Variants in EWSR1 observed in about 807,000 individuals in gnomAD.
The protein encoded by EWSR1 is RNA-binding protein EWS.
In EWSR1, 14 loss-of-function variants were observed where a neutral mutation model predicts 92.1. The ratio of observed to expected loss-of-function variants is 0.15; its 90% CI spans 0.10 to 0.24. The LOEUF is 0.24. Among genes scored for constraint, EWSR1 ranks in the 10% least tolerant of loss-of-function variants. The pLI is 1.00. For synonymous variants in EWSR1, 303 were observed against 292.9 expected, an observed-to-expected ratio of 1.03 and a Z score of -0.35; for missense variants, 637 against 870.9, an observed-to-expected ratio of 0.73 and a Z score of 3.38.
At chr22:29,278,994 C>CAA (rs566817278) in intron 5 of EWSR1, among the ~76,000 whole-genome samples, 4 of 124,882 alleles carry the variant, frequency 3.2e-5, no homozygotes, top group South Asian at 2.5e-4. Context: ...GACTTCACCT[C>CAA]AAAAAAAAAA....
At chr22:29,272,139 T>C in intron 1 of EWSR1, 77 bp from the exon 2 acceptor site, 1 of 1,337,428 alleles carries the variant, frequency 7.5e-7, no homozygotes, top group South Asian at 1.2e-5. Flanking sequence ...TCCTGCCACG[T>C]GAATTCTTTC....
At chr22:29,288,585 C>T in intron 7 of EWSR1, 21 bp from the exon 8 acceptor site, 3 of 1,596,848 alleles carry the variant, frequency 1.9e-6, no homozygotes, top group African/African-American at 1.3e-5. Context: ...CCATGGCTTA[C>T]AGATGTGACT....
At chr22:29,294,743 G>A (rs1318483908) in intron 11 of EWSR1, among the ~76,000 whole-genome samples, 7 of 151,826 alleles carry the variant, frequency 4.6e-5, no homozygotes, top group Non-Finnish European at 1.0e-4. Context: ...GTGAAACCCC[G>A]TATCTACTAA....
At chr22:29,290,037 T>A in intron 8 of EWSR1, 1 of 237,646 alleles carries the variant, frequency 4.2e-6, no homozygotes, top group Non-Finnish European at 8.2e-6. Flanking sequence ...ATTTTTAAAT[T>A]GCAAATACAA....
At chr22:29,275,092 G>T (rs9613854) in intron 4 of EWSR1, among the ~76,000 whole-genome samples, 1 of 152,332 alleles carries the variant, frequency 6.6e-6, no homozygotes, top group East Asian at 1.9e-4. Flanking sequence ...TTCTCAAATA[G>T]GATGGGAAAT....
chr22:29,274,451 C>T, intron 4 of EWSR1: 1 of 637,950 alleles, frequency 1.6e-6, no homozygotes, highest in Non-Finnish European at 2.8e-6. Flanking sequence ...AGATCCATGT[C>T]CTATTCTTTA....
rs772232900 is a variant in EWSR1, at chr22:29,273,724, G to T, written c.103-17G>T. 2 of 1,546,332 alleles carry T rather than the reference G, an allele frequency of 1.3e-6. No homozygotes were observed. The highest frequency in any genetic ancestry group is 4.7e-5 in the East Asian group (2 of 42,772). On this transcript the variant is annotated splice_polypyrimidine_tract_variant and intron_variant, in intron 3 of 16. Transcript: ENST00000397938. ...GTTCATGTATGAAGTTCTTGCATTCGTTTTTTTTTGGAGCAGGCATATGGG... is the reference window on the plus strand; with the variant it reads ...GTTCATGTATGAAGTTCTTGCATTCTTTTTTTTTTGGAGCAGGCATATGGG...
At chr22:29,284,718 TC>T (rs1163883188) in intron 6 of EWSR1, among the ~76,000 whole-genome samples, 1 of 151,466 alleles carries the variant, frequency 6.6e-6, no homozygotes, top group African/African-American at 2.5e-5. Flanking sequence ...GCCTCGAACT[TC>T]CTGGCCTAGT....
intron 8 of EWSR1, chr22:29,289,557 C>T (rs2060293263): frequency 4.3e-6 from 1 of 232,248 alleles, no homozygotes; most frequent in Non-Finnish European, 8.5e-6. Context: ...TGAAGGTGAG[C>T]TATAATATTG....
intron 11 of EWSR1, 199 bp from the exon 12 acceptor site, chr22:29,296,040 T>G (rs1474454109): frequency 2.9e-5 from 16 of 543,722 alleles, no homozygotes; most frequent in Non-Finnish European, 2.9e-5. Flanking sequence ...CACACTTTGG[T>G]CTACTTTGGT....
At position 29,278,128 on chromosome 22, in the gene EWSR1, C is replaced by T. The variant is rs755496976; in HGVS notation, c.325C>T (p.Gln109Ter). Residue 109 changes from glutamine to a stop codon, truncating the protein, a stop_gained, in exon 5 of 17, where the codon CAG becomes TAG. Transcript: ENST00000397938. LOFTEE classifies it high-confidence loss of function. ...DTTTATVTTT[Q>*]ASYAAQSAYG... ...CACCACTGCTACAGTCACCACCACC[C>T]AGGCCTCCTATGCAGCTCAGTCTGC... 6.2e-7 allele frequency: 1 copy of T among 1,614,084 alleles called. No homozygotes were observed. The highest frequency in any genetic ancestry group is 8.5e-7 in the Non-Finnish European group (1 of 1,180,038).
intron 5 of EWSR1, among the ~76,000 whole-genome samples, chr22:29,280,960 A>G (rs1462808465): frequency 7.2e-6 from 1 of 138,598 alleles, no homozygotes; most frequent in Non-Finnish European, 1.5e-5. Flanking sequence ...GCTCACTGCA[A>G]GCTCCGCCTC....
intron 15 of EWSR1, 93 bp downstream of exon 15, chr22:29,299,424 T>C: frequency 6.6e-7 from 1 of 1,525,014 alleles, no homozygotes; most frequent in Non-Finnish European, 8.8e-7. Context: ...TGCCCTCTGC[T>C]TAACAACTTT....
At chr22:29,285,887 G>C (rs1200643218) in intron 6 of EWSR1, among the ~76,000 whole-genome samples, 1 of 151,996 alleles carries the variant, frequency 6.6e-6, no homozygotes, top group Non-Finnish European at 1.5e-5. Context: ...GCCCAGGCTG[G>C]AGTGCAGTGG....
chr22:29,299,411 A>C (rs2061156128), intron 15 of EWSR1, 80 bp downstream of exon 15: 1 of 1,545,752 alleles, frequency 6.5e-7, no homozygotes. Flanking sequence ...GGTAAACTGC[A>C]GTTGCCCTCT....
intron 7 of EWSR1, 56 bp from the exon 8 acceptor site, chr22:29,288,550 A>T: frequency 6.7e-7 from 1 of 1,500,600 alleles, no homozygotes; most frequent in Non-Finnish European, 9.0e-7. Context: ...GAGAAAGTAC[A>T]TCAGGCAGTG....
intron 1 of EWSR1, 23 bp downstream of exon 1, chr22:29,268,372 C>A: frequency 6.2e-7 from 1 of 1,613,964 alleles, no homozygotes; most frequent in South Asian, 1.1e-5. Context: ...GAACTGCGGT[C>A]GCGCCGGCGG....
At chr22:29,298,674 T>G (rs966140455) in intron 13 of EWSR1, 59 bp from the exon 14 acceptor site, 2 of 1,596,544 alleles carry the variant, frequency 1.3e-6, no homozygotes, top group Non-Finnish European at 1.7e-6. Flanking sequence ...TTTTATTTCC[T>G]ATAGCAAATT....
rs2058883744 is a variant in EWSR1 at position 29,273,803 on chromosome 22, T to C, written c.165T>C (p.Ala55=). 6.2e-7 allele frequency: 1 copy of C among 1,613,950 alleles called. No homozygotes were observed. The highest frequency in any genetic ancestry group is 8.5e-7 in the Non-Finnish European group (1 of 1,179,956). ...CCACTGATGTCAGCTATACCCAGGC[T>C]CAGACCACTGCAACCTATGGGCAGA... ...GQPTDVSYTQ[A]QTTATYGQTA... The change falls in exon 4 of 17, where the codon GCT becomes GCC. Residue 55 remains alanine (A), a synonymous_variant. Coordinates refer to ENST00000397938, the MANE Select transcript of EWSR1 (RefSeq NM_005243.4).
Sources: gnomAD v4.1 joint callset for allele counts (sites outside exome capture counted in the v4.1 genomes callset) on GRCh38, gnomAD v4.1.1 for gene constraint, MANE v1.5 for transcripts, NCBI Gene and HGNC (gene_info 2026-07-23, HGNC 2026-07-21) for gene names.